Variants in XKR9 observed in about 807,000 individuals in gnomAD.
XKR9 encodes XK-related protein 9.
XKR9 carries 32 observed loss-of-function variants against 32.0 expected under a neutral mutation model. The ratio of observed to expected loss-of-function variants is 1.00; its 90% CI spans 0.76 to 1.34. The LOEUF is 1.34. XKR9 is among the 40% of genes most tolerant of loss of function. The pLI is 0.00. For synonymous variants in XKR9, 168 were observed against 143.4 expected (o/e 1.17, Z -1.22); for missense variants, 546 against 429.7 (o/e 1.27, Z -2.39).
chr8:70,786,068 T>A (rs997792309), intron 2 of XKR9, among the ~76,000 whole-genome samples: 1 of 152,090 alleles, frequency 6.6e-6, no homozygotes, highest in African/African-American at 2.4e-5. Flanking sequence ...TTAATTTCCA[T>A]GTATTTGTTA....
chr8:71,038,505 G>C, the XKR9 span, among the ~76,000 whole-genome samples: 5 of 151,338 alleles, frequency 3.3e-5, no homozygotes, highest in Non-Finnish European at 7.4e-5. Flanking sequence ...ATTTTTAGTA[G>C]AGATGGGGTT....
the XKR9 span, among the ~76,000 whole-genome samples, chr8:70,884,576 T>C: frequency 1.3e-5 from 2 of 152,200 alleles, no homozygotes; most frequent in African/African-American, 2.4e-5. Flanking sequence ...TGTGTCTAGA[T>C]TATTTTTTTA....
the XKR9 span, among the ~76,000 whole-genome samples, chr8:70,869,773 C>T: frequency 6.6e-6 from 1 of 152,142 alleles, no homozygotes; most frequent in Non-Finnish European, 1.5e-5. Context: ...TAAGGGCACA[C>T]AGTACGTTAG....
At chr8:70,914,752 T>C in the XKR9 span, among the ~76,000 whole-genome samples, 1 of 152,224 alleles carries the variant, frequency 6.6e-6, no homozygotes. Context: ...AATTTTTTCC[T>C]TTATGGCTAC....
chr8:70,976,319 A>G, the XKR9 span, among the ~76,000 whole-genome samples: 3 of 152,140 alleles, frequency 2.0e-5, no homozygotes, highest in African/African-American at 7.2e-5. Context: ...TTCAAAGGGA[A>G]TGCTTCCAGT....
At chr8:70,954,605 G>A in the XKR9 span, among the ~76,000 whole-genome samples, 1 of 152,182 alleles carries the variant, frequency 6.6e-6, no homozygotes, top group Non-Finnish European at 1.5e-5. Context: ...TGAGGTTAGT[G>A]ATCCTTAGGA....
At chr8:70,697,146 T>C (rs969807249) in intron 3 of XKR9, among the ~76,000 whole-genome samples, 1 of 149,698 alleles carries the variant, frequency 6.7e-6, no homozygotes, top group African/African-American at 2.4e-5. Context: ...CAATTTGACT[T>C]CCTCTTTTCC....
At chr8:70,988,424 T>A in the XKR9 span, among the ~76,000 whole-genome samples, 1 of 151,960 alleles carries the variant, frequency 6.6e-6, no homozygotes, top group Admixed American at 6.6e-5. Flanking sequence ...TAAGTTAACT[T>A]CTCCTTGGAT....
chr8:70,996,520 G>T, the XKR9 span, among the ~76,000 whole-genome samples: 1 of 152,138 alleles, frequency 6.6e-6, no homozygotes, highest in Non-Finnish European at 1.5e-5. Flanking sequence ...GATTTTAATT[G>T]CTTGGTAGTC....
At chr8:70,905,860 G>A in the XKR9 span, among the ~76,000 whole-genome samples, 2 of 152,244 alleles carry the variant, frequency 1.3e-5, no homozygotes, top group East Asian at 3.8e-4. Context: ...AAGACTCTCA[G>A]CTGCAGGTCT....
At chr8:71,038,787 C>A in the XKR9 span, among the ~76,000 whole-genome samples, 90 of 149,442 alleles carry the variant, frequency 6.0e-4, 1 homozygote, top group East Asian at 0.011. Context: ...AACAGATGTC[C>A]CTTTTTTGGA....
chr8:70,853,460 A>T, the XKR9 span, among the ~76,000 whole-genome samples: 1 of 151,958 alleles, frequency 6.6e-6, no homozygotes, highest in Non-Finnish European at 1.5e-5. Context: ...CTAAAACTAA[A>T]CATCTATACA....
the XKR9 span, among the ~76,000 whole-genome samples, chr8:71,004,013 C>A: frequency 1.3e-5 from 2 of 152,148 alleles, no homozygotes; most frequent in African/African-American, 2.4e-5. Flanking sequence ...GCATCATGGG[C>A]AGACAGAACA....
the XKR9 span, among the ~76,000 whole-genome samples, chr8:70,975,576 C>A: frequency 2.0e-5 from 3 of 152,140 alleles, no homozygotes; most frequent in South Asian, 6.2e-4. Flanking sequence ...ATTTCTGAGG[C>A]CTCTGTTCTG....
chr8:71,021,684 G>A, the XKR9 span, among the ~76,000 whole-genome samples: 2 of 151,820 alleles, frequency 1.3e-5, no homozygotes, highest in African/African-American at 2.4e-5. Context: ...TGTATTTTTA[G>A]TAGAGACGGG....
At chr8:70,692,871 C>T (rs1029749563) in intron 3 of XKR9, among the ~76,000 whole-genome samples, 1 of 152,122 alleles carries the variant, frequency 6.6e-6, no homozygotes, top group East Asian at 1.9e-4. Context: ...TGAGCCACCA[C>T]GCCTGGCCAT....
At chr8:71,016,178 G>T in the XKR9 span, among the ~76,000 whole-genome samples, 105 of 152,136 alleles carry the variant, frequency 6.9e-4, 1 homozygote, top group Non-Finnish European at 1.2e-3. Context: ...TTATTAATTT[G>T]GTGGACCTTA....
At chr8:70,683,618 G>T in intron 3 of XKR9, 1 of 433,046 alleles carries the variant, frequency 2.3e-6, no homozygotes, top group Non-Finnish European at 4.6e-6. Flanking sequence ...TTCCTGAGTA[G>T]CTGGGATTAC....
intron 3 of XKR9, among the ~76,000 whole-genome samples, chr8:70,686,964 A>G (rs1819302577): frequency 6.6e-6 from 1 of 152,158 alleles, no homozygotes; most frequent in Non-Finnish European, 1.5e-5. Context: ...TGTTAGGAAC[A>G]TTCCAATTTC....
Sources: allele counts gnomAD v4.1 joint callset (sites outside exome capture counted in the v4.1 genomes callset), GRCh38; gene constraint gnomAD v4.1.1; transcripts MANE v1.5; gene names NCBI Gene and HGNC (gene_info 2026-07-23, HGNC 2026-07-21).